The following MLLT10 variants were observed in gnomAD, a reference collection of about 807,000 sequenced individuals.
MLLT10 encodes protein AF-10.
Under a neutral mutation model 129.1 loss-of-function variants are expected in MLLT10, and 30 were observed. The ratio of observed to expected loss-of-function variants is 0.23; its 90% confidence interval spans 0.17 to 0.32. The LOEUF is 0.32. Ranked by LOEUF, MLLT10 falls within the 10% of genes least tolerant of loss-of-function variation. MLLT10 has a pLI of 1.00. For missense variants in MLLT10, 1,119 were observed against 1,268.3 expected (o/e 0.88, Z 1.79); for synonymous variants, 490 against 446.4 (o/e 1.10, Z -1.23).
intron 14 of MLLT10, among the ~76,000 whole-genome samples, chr10:21,721,140 G>C (rs987217073): frequency 6.6e-6 from 1 of 152,132 alleles, no homozygotes; most frequent in African/African-American, 2.4e-5. Flanking sequence ...GCTTGAAGCA[G>C]CTAGTTTAGA....
chr10:21,668,163 T>C (rs1326001840), intron 9 of MLLT10, among the ~76,000 whole-genome samples: 2 of 152,140 alleles, frequency 1.3e-5, no homozygotes, highest in Admixed American at 6.5e-5. Flanking sequence ...AGTATTATTA[T>C]ATACAAGAAT....
intron 9 of MLLT10, among the ~76,000 whole-genome samples, chr10:21,668,092 T>G (rs1388822489): frequency 6.6e-6 from 1 of 152,110 alleles, no homozygotes; most frequent in African/African-American, 2.4e-5. Flanking sequence ...GAACTTACAT[T>G]TTTCAGTAGA....
At chr10:21,617,037 T>A in intron 7 of MLLT10, 75 bp from the exon 8 acceptor site, 1 of 609,758 alleles carries the variant, frequency 1.6e-6, no homozygotes, top group Non-Finnish European at 2.5e-6. Context: ...TTGAATTGGT[T>A]TAAGCCTAAC....
At chr10:21,581,008 A>G (rs531423041) in intron 3 of MLLT10, among the ~76,000 whole-genome samples, 27 of 149,652 alleles carry the variant, frequency 1.8e-4, no homozygotes, top group African/African-American at 6.6e-4. Context: ...CACTGTGTCC[A>G]GCCTATTTTG....
At chr10:21,699,009 G>A (rs2054632637) in intron 13 of MLLT10, among the ~76,000 whole-genome samples, 1 of 152,074 alleles carries the variant, frequency 6.6e-6, no homozygotes, top group Non-Finnish European at 1.5e-5. Flanking sequence ...GTAGTAGCTG[G>A]GATTACAGGC....
At chr10:21,725,244 T>A (rs2057399716) in intron 14 of MLLT10, among the ~76,000 whole-genome samples, 1 of 152,200 alleles carries the variant, frequency 6.6e-6, no homozygotes, top group Non-Finnish European at 1.5e-5. Context: ...TATGAGAGAT[T>A]GAAGCATTTG....
At chr10:21,579,094 A>G (rs1433192680) in intron 3 of MLLT10, among the ~76,000 whole-genome samples, 1 of 152,140 alleles carries the variant, frequency 6.6e-6, no homozygotes, top group Admixed American at 6.6e-5. Context: ...TACCTATTTC[A>G]TCTTTATTTT....
chr10:21,662,625 TATTA>T (rs1389450526), intron 9 of MLLT10, among the ~76,000 whole-genome samples: 4 of 152,312 alleles, frequency 2.6e-5, no homozygotes, highest in East Asian at 1.9e-4. Flanking sequence ...TTCCTTATCA[TATTA>T]ATTATAGATT....
intron 3 of MLLT10, among the ~76,000 whole-genome samples, chr10:21,574,485 A>T (rs527545334): frequency 2.0e-5 from 3 of 152,326 alleles, no homozygotes; most frequent in African/African-American, 7.2e-5. Context: ...TTTGAGGCGG[A>T]TTCATAGAGT....
intron 8 of MLLT10, among the ~76,000 whole-genome samples, chr10:21,622,975 A>T (rs1025217045): frequency 6.6e-6 from 1 of 152,160 alleles, no homozygotes; most frequent in African/African-American, 2.4e-5. Flanking sequence ...ACTCCAGAAC[A>T]CTATTTTTTA....
chr10:21,673,779 C>T lies in MLLT10; in HGVS notation c.1481C>T (p.Ser494Leu). 6.2e-7 allele frequency: 1 copy of T among 1,614,146 alleles called. No homozygotes were observed. Among genetic ancestry groups the T allele is most frequent in the Non-Finnish European group, 8.5e-7 (1 of 1,180,018 alleles). The change falls in exon 11 of 23, where the codon TCA becomes TTA. Residue 494 changes from serine (S) to leucine (L), a missense_variant. Coordinates refer to ENST00000307729, the MANE Select transcript of MLLT10 (RefSeq NM_001195626.3). Reference sequence around the variant, plus strand: ...AATCAAGAGAATGTTTCTCATCTCTCAGTTTCTTCTGCTTCACCAACATCA... The same window carrying T: ...AATCAAGAGAATGTTTCTCATCTCTTAGTTTCTTCTGCTTCACCAACATCA... The part of the protein sequence containing the change: ...NKNQENVSHL[S>L]VSSASPTSSV...
Position 21,567,043 on chromosome 10 carries a change from C to T in MLLT10, c.241-19251C>T, listed in dbSNP as rs535480157. ...GGTCAGGCTGTTCTCGAACTTCCGA[C>T]TTGAGGTGATCCACCCACCTCGGCC... On this transcript the variant is annotated intron_variant, in intron 3 of 22. Coordinates refer to ENST00000307729, the MANE Select transcript of MLLT10 (RefSeq NM_001195626.3). 4.6e-5 allele frequency among the ~76,000 whole-genome samples: 7 copies of T among 152,222 alleles called. No individual in the cohort carries two copies. In the South Asian group the frequency reaches 1.2e-3, roughly 27 times the overall value.
At chr10:21,707,636 C>T (rs1017901067) in intron 13 of MLLT10, among the ~76,000 whole-genome samples, 2 of 152,180 alleles carry the variant, frequency 1.3e-5, no homozygotes, top group South Asian at 2.1e-4. Flanking sequence ...CACTCATCCC[C>T]GTCAGTCCCT....
intron 13 of MLLT10, among the ~76,000 whole-genome samples, chr10:21,691,416 C>T (rs1341507602): frequency 6.6e-6 from 1 of 152,110 alleles, no homozygotes; most frequent in Non-Finnish European, 1.5e-5. Flanking sequence ...CCATTCCTAA[C>T]AGAATAGTAT....
intron 3 of MLLT10, among the ~76,000 whole-genome samples, chr10:21,569,123 A>G (rs1262596737): frequency 1.3e-5 from 2 of 152,142 alleles, no homozygotes; most frequent in Non-Finnish European, 2.9e-5. Flanking sequence ...GAATGTTCCA[A>G]ATGCACTTGA....
At chr10:21,576,572 C>A (rs1255575859) in intron 3 of MLLT10, among the ~76,000 whole-genome samples, 2 of 151,474 alleles carry the variant, frequency 1.3e-5, no homozygotes, top group Non-Finnish European at 2.9e-5. Flanking sequence ...TGTGTCTTCA[C>A]TTAAAGTGTG....
At chr10:21,698,647 A>G (rs575844266) in intron 13 of MLLT10, among the ~76,000 whole-genome samples, 3 of 152,366 alleles carry the variant, frequency 2.0e-5, no homozygotes, top group South Asian at 2.1e-4. Context: ...ATAAATATAC[A>G]TACTATTTTA....
At chr10:21,605,488 C>G (rs1269444433) in intron 5 of MLLT10, among the ~76,000 whole-genome samples, 1 of 152,046 alleles carries the variant, frequency 6.6e-6, no homozygotes, top group Non-Finnish European at 1.5e-5. Context: ...CTCTGTCACC[C>G]TGTTTGGATT....
chr10:21,548,480 C>T (rs1396081017), intron 3 of MLLT10, among the ~76,000 whole-genome samples: 1 of 151,912 alleles, frequency 6.6e-6, no homozygotes, highest in Non-Finnish European at 1.5e-5. Flanking sequence ...CGCCATTCTC[C>T]TGCCTCAGCC....
Sources: allele counts gnomAD v4.1 joint callset (sites outside exome capture counted in the v4.1 genomes callset), GRCh38; gene constraint gnomAD v4.1.1; transcripts MANE v1.5; gene names NCBI Gene and HGNC (gene_info 2026-07-23, HGNC 2026-07-21).